Variants in RGS6 observed in about 807,000 individuals in gnomAD.
RGS6 encodes regulator of G-protein signaling 6.
RGS6 carries 30 observed loss-of-function variants against 78.5 expected under a neutral mutation model. The observed-to-expected ratio is 0.38, with a 90% CI of 0.29 to 0.52. The LOEUF is 0.52. Among genes scored for constraint, RGS6 ranks in the 20% least tolerant of loss-of-function variants. The probability of loss-of-function intolerance (pLI) is 0.85; values close to 1 mark genes in which losing one functional copy is unlikely to be tolerated. For synonymous variants in RGS6, 206 were observed against 206.0 expected (o/e 1.00, Z 0.00); for missense variants, 495 against 609.7 (o/e 0.81, Z 1.98).
At chr14:72,067,681 TA>T (rs1205659086) in intron 2 of RGS6, among the ~76,000 whole-genome samples, 3 of 152,002 alleles carry the variant, frequency 2.0e-5, no homozygotes, top group East Asian at 1.9e-4. Flanking sequence ...TTTAAAAACT[TA>T]AAAAAATAAA....
At chr14:71,943,162 T>G (rs1328488105) in intron 1 of RGS6, among the ~76,000 whole-genome samples, 5 of 152,200 alleles carry the variant, frequency 3.3e-5, no homozygotes, top group Non-Finnish European at 7.3e-5. Flanking sequence ...CTGGCTAGTC[T>G]GGAGCTCAGA....
intron 3 of RGS6, among the ~76,000 whole-genome samples, chr14:72,379,825 T>C (rs1416776937): frequency 6.6e-6 from 1 of 152,028 alleles, no homozygotes; most frequent in Non-Finnish European, 1.5e-5. Context: ...ATCATAAAAA[T>C]GTACATGGAA....
intron 2 of RGS6, among the ~76,000 whole-genome samples, chr14:72,296,786 C>T (rs2064916388): frequency 6.6e-6 from 1 of 152,056 alleles, no homozygotes; most frequent in African/African-American, 2.4e-5. Context: ...TTAAATTTTG[C>T]AGTTAAATTT....
At chr14:71,878,368 G>A in the RGS6 span, among the ~76,000 whole-genome samples, 2 of 152,294 alleles carry the variant, frequency 1.3e-5, no homozygotes, top group Non-Finnish European at 2.9e-5. Context: ...ACCCACTCAA[G>A]CCTCAGCAAT....
chr14:72,075,924 A>T (rs1235144253), intron 2 of RGS6, among the ~76,000 whole-genome samples: 1 of 152,186 alleles, frequency 6.6e-6, no homozygotes, highest in Non-Finnish European at 1.5e-5. Flanking sequence ...GATGCTGGTG[A>T]TATCCTGGAG....
intron 3 of RGS6, among the ~76,000 whole-genome samples, chr14:72,383,607 C>T (rs1405926180): frequency 6.6e-6 from 1 of 152,122 alleles, no homozygotes; most frequent in African/African-American, 2.4e-5. Flanking sequence ...CTGATACCCT[C>T]CATTATGGGT....
intron 1 of RGS6, among the ~76,000 whole-genome samples, chr14:71,947,918 GC>G (rs2091771703): frequency 6.6e-6 from 1 of 152,158 alleles, no homozygotes; most frequent in South Asian, 2.1e-4. Flanking sequence ...GAACTTGAAT[GC>G]CATATAATAG....
chr14:72,587,838 C>T, the RGS6 span, among the ~76,000 whole-genome samples: 32 of 152,274 alleles, frequency 2.1e-4, no homozygotes, highest in African/African-American at 7.0e-4. Context: ...ACCCTGAGGC[C>T]CTGCTTGGCC....
intron 3 of RGS6, among the ~76,000 whole-genome samples, chr14:72,411,971 G>A (rs927058955): frequency 1.3e-5 from 2 of 152,174 alleles, no homozygotes; most frequent in Admixed American, 1.3e-4. Flanking sequence ...CGGTTTGCCA[G>A]TATTTTACCG....
intron 2 of RGS6, among the ~76,000 whole-genome samples, chr14:72,020,892 A>G (rs2088279400): frequency 6.6e-6 from 1 of 152,200 alleles, no homozygotes; most frequent in Non-Finnish European, 1.5e-5. Flanking sequence ...TGAAGGAGAA[A>G]TGGAGTCCGA....
intron 2 of RGS6, among the ~76,000 whole-genome samples, chr14:72,156,668 C>T (rs1408241510): frequency 6.6e-6 from 1 of 152,018 alleles, no homozygotes; most frequent in Non-Finnish European, 1.5e-5. Context: ...ATTGATAGTT[C>T]TCTAGCAAAT....
At chr14:72,560,402 CG>C (rs2097655438) in intron 17 of RGS6, among the ~76,000 whole-genome samples, 1 of 152,136 alleles carries the variant, frequency 6.6e-6, no homozygotes, top group Non-Finnish European at 1.5e-5. Context: ...TCAGCAGCCC[CG>C]TGTTTCCCCA....
intron 2 of RGS6, among the ~76,000 whole-genome samples, chr14:72,085,699 C>T (rs1367058443): frequency 2.0e-5 from 3 of 151,810 alleles, no homozygotes; most frequent in Non-Finnish European, 4.4e-5. Context: ...ACTAAAAATA[C>T]AAAAATTAGC....
At chr14:71,964,606 T>C (rs1422774003) in intron 1 of RGS6, among the ~76,000 whole-genome samples, 166 bp from the exon 2 acceptor site, 1 of 152,192 alleles carries the variant, frequency 6.6e-6, no homozygotes, top group Non-Finnish European at 1.5e-5. Context: ...AGAAGAATAT[T>C]TGTGGATAGT....
At chr14:72,421,930 A>C (rs1268529986) in intron 3 of RGS6, among the ~76,000 whole-genome samples, 6 of 152,202 alleles carry the variant, frequency 3.9e-5, no homozygotes, top group Non-Finnish European at 1.5e-5. Context: ...CCACAGATTA[A>C]ATGGCGATAT....
chr14:72,189,155 T>C (rs556429959), intron 2 of RGS6, among the ~76,000 whole-genome samples: 1 of 152,322 alleles, frequency 6.6e-6, no homozygotes, highest in East Asian at 1.9e-4. Context: ...CTATGGATAA[T>C]ATTAATGGAT....
At chr14:72,178,701 T>C (rs940182209) in intron 2 of RGS6, among the ~76,000 whole-genome samples, 1 of 152,190 alleles carries the variant, frequency 6.6e-6, no homozygotes, top group Non-Finnish European at 1.5e-5. Context: ...TACTGACGCA[T>C]TACTGACACC....
At chr14:72,034,404 CT>C (rs35821588) in intron 2 of RGS6, among the ~76,000 whole-genome samples, 121,782 of 144,596 alleles carry the variant, frequency 0.84, 51,270 homozygotes, top group East Asian at 0.98. Context: ...CTTTTCAGTG[CT>C]TTTTTTTTTT....
intron 14 of RGS6, among the ~76,000 whole-genome samples, chr14:72,512,253 T>C (rs1222173649): frequency 1.3e-5 from 2 of 152,196 alleles, no homozygotes; most frequent in Admixed American, 1.3e-4. Context: ...ACCCAGAGTT[T>C]GGTCATTGTG....
Sources: gnomAD v4.1 joint callset for allele counts (sites outside exome capture counted in the v4.1 genomes callset) on GRCh38, gnomAD v4.1.1 for gene constraint, MANE v1.5 for transcripts, NCBI Gene and HGNC (gene_info 2026-07-23, HGNC 2026-07-21) for gene names.